Variants in SV2C observed in about 807,000 individuals in gnomAD.
The protein encoded by SV2C is synaptic vesicle glycoprotein 2C, also known as solute carrier family 22 member B3.
SV2C carries 49 observed loss-of-function variants against 79.7 expected under a neutral mutation model. That is an observed-to-expected ratio of 0.61 (90% confidence interval 0.49 to 0.78). The LOEUF (loss-of-function observed/expected upper bound fraction) is 0.78, where lower values mean the gene tolerates loss of function less well. SV2C is among the 30% of genes least tolerant of loss of function. The probability of loss-of-function intolerance (pLI) is 0.00; values close to 1 mark genes in which losing one functional copy is unlikely to be tolerated. For synonymous variants in SV2C, 334 were observed against 333.2 expected, an observed-to-expected ratio of 1.00 and a Z score of -0.03; for missense variants, 833 against 912.9, an observed-to-expected ratio of 0.91 and a Z score of 1.13.
the SV2C span, among the ~76,000 whole-genome samples, chr5:75,899,301 T>C: frequency 0.017 from 2,627 of 152,334 alleles, 59 homozygotes; most frequent in African/African-American, 0.057. Flanking sequence ...AGAACATCTT[T>C]ATTTCTGCCT....
At chr5:75,947,728 C>T in the SV2C span, among the ~76,000 whole-genome samples, 3 of 152,012 alleles carry the variant, frequency 2.0e-5, no homozygotes, top group African/African-American at 7.2e-5. Flanking sequence ...AACATCATGT[C>T]TCAAATATAA....
intron 3 of SV2C, among the ~76,000 whole-genome samples, chr5:76,199,173 A>G (rs1026467031): frequency 6.6e-6 from 1 of 152,196 alleles, no homozygotes; most frequent in African/African-American, 2.4e-5. Flanking sequence ...CTTTATTAAA[A>G]CTTAAGCCAG....
the SV2C span, among the ~76,000 whole-genome samples, chr5:75,893,263 A>G: frequency 2.6e-5 from 4 of 151,982 alleles, no homozygotes; most frequent in East Asian, 1.9e-4. Context: ...CCACTTTTCA[A>G]TGGCATTATT....
At chr5:75,972,749 C>A in the SV2C span, among the ~76,000 whole-genome samples, 682 of 152,190 alleles carry the variant, frequency 4.5e-3, 13 homozygotes, top group African/African-American at 0.015. Flanking sequence ...CTAGTTCAAC[C>A]ATTGTGGAAG....
At chr5:75,970,436 TAAAGAAGA>T in the SV2C span, among the ~76,000 whole-genome samples, 1 of 151,356 alleles carries the variant, frequency 6.6e-6, no homozygotes, top group Non-Finnish European at 1.5e-5. Flanking sequence ...GCAAGACTAA[TAAAGAAGA>T]AAAGAGAGAA....
At chr5:76,337,540 C>T (rs1749352338), downstream of SV2C, among the ~76,000 whole-genome samples, 1 of 152,074 alleles carries the variant, frequency 6.6e-6, no homozygotes, top group Admixed American at 6.6e-5. Context: ...ATACTGTATA[C>T]TGTGTATAGA....
At chr5:75,895,658 A>G in the SV2C span, among the ~76,000 whole-genome samples, 8 of 152,064 alleles carry the variant, frequency 5.3e-5, no homozygotes, top group African/African-American at 1.9e-4. Flanking sequence ...CAAGCAATTC[A>G]TGGGCCTGGG....
the SV2C span, among the ~76,000 whole-genome samples, chr5:75,923,718 C>T: frequency 1.3e-5 from 2 of 152,092 alleles, no homozygotes; most frequent in Admixed American, 6.6e-5. Context: ...GAAATACCAC[C>T]TTACTCCTGC....
the SV2C span, among the ~76,000 whole-genome samples, chr5:75,949,786 C>G: frequency 2.0e-5 from 3 of 151,946 alleles, no homozygotes; most frequent in African/African-American, 4.8e-5. Flanking sequence ...TACCCAGTCT[C>G]GGATATGTCT....
the SV2C span, among the ~76,000 whole-genome samples, chr5:75,888,619 A>G: frequency 6.6e-6 from 1 of 151,876 alleles, no homozygotes; most frequent in African/African-American, 2.4e-5. Context: ...AATAAATATC[A>G]CTTCTTCAGA....
the SV2C span, among the ~76,000 whole-genome samples, chr5:76,012,747 C>G: frequency 6.6e-6 from 1 of 152,060 alleles, no homozygotes. Context: ...GTTCTTACAT[C>G]TAAGTCTTTA....
chr5:76,187,746 A>G (rs1467771408), intron 2 of SV2C, among the ~76,000 whole-genome samples: 1 of 65,724 alleles, frequency 1.5e-5, no homozygotes, highest in African/African-American at 7.9e-5. Context: ...ATAGTTTCAA[A>G]TTGCAAAAAA....
Position 76,131,750 on chromosome 5 carries a change from G to C in SV2C, c.-1G>C, listed in dbSNP as rs774775520. The stretch of plus-strand genomic sequence containing the variant: ...TCTCATTGGCCATCAGTTGAGATAA[G>C]ATGGAAGACTCTTACAAGGATAGGA... On this transcript the variant is annotated 5_prime_UTR_variant, in exon 2 of 13. Coordinates refer to ENST00000502798, the MANE Select transcript of SV2C (RefSeq NM_014979.4). 1 of 1,595,622 alleles carries C rather than the reference G, an allele frequency of 6.3e-7. No individual in the cohort carries two copies. The highest frequency in any genetic ancestry group is 1.1e-5 in the South Asian group (1 of 88,764).
At chr5:76,281,746 C>A (rs1421843858) in intron 4 of SV2C, among the ~76,000 whole-genome samples, 1 of 152,192 alleles carries the variant, frequency 6.6e-6, no homozygotes, top group African/African-American at 2.4e-5. Flanking sequence ...AGTAGCACAG[C>A]ATCTTCAAGT....
chr5:76,165,151 ATTTT>A (rs544017072), intron 2 of SV2C, among the ~76,000 whole-genome samples: 5 of 152,050 alleles, frequency 3.3e-5, no homozygotes, highest in Non-Finnish European at 7.4e-5. Flanking sequence ...TGTGTGTGTG[ATTTT>A]TTTAACAGTT....
In SV2C at chr5:76,204,434, G is replaced by T. The variant is rs11949776; in HGVS notation, c.762-5302G>T. 2.3e-3 allele frequency among the ~76,000 whole-genome samples: 347 copies of T among 152,248 alleles called. 3 individuals carry two copies. The highest frequency in any genetic ancestry group is 6.4e-3 in the African/African-American group (266 of 41,556). ...TCTGTTTATTATTTGTATTGAACAT[G>T]TGACTTTACAATGATTATTCAACTT... On this transcript the variant is annotated intron_variant, in intron 3 of 12. Coordinates refer to ENST00000502798, the MANE Select transcript of SV2C (RefSeq NM_014979.4).
the SV2C span, among the ~76,000 whole-genome samples, chr5:75,975,089 C>G: frequency 6.6e-6 from 1 of 152,108 alleles, no homozygotes; most frequent in Non-Finnish European, 1.5e-5. Context: ...AAGGGTCATT[C>G]CACTAGAAAG....
In SV2C at chr5:76,083,491, AGG is replaced by A. The variant is rs1747062868; in HGVS notation, c.-121_-120del. On this transcript the variant is annotated 5_prime_UTR_variant, in exon 1 of 13. Coordinates refer to ENST00000502798, the MANE Select transcript of SV2C (RefSeq NM_014979.4). ...TGCAGTGCTGACACCACTCAGGGCAAGGGTGTCCGACGGCTGGAGCGGTGAGT... is the reference window on the plus strand; with the variant it reads ...TGCAGTGCTGACACCACTCAGGGCAAGTGTCCGACGGCTGGAGCGGTGAGT... 1 of 152,310 alleles carries A rather than the reference AGG, an allele frequency of 6.6e-6. No individual in the cohort carries two copies. The highest frequency in any genetic ancestry group is 2.4e-5 in the African/African-American group (1 of 41,462). The allele number at this position is 152,310 out of a possible 1,614,324, so 9.4% of individuals were successfully genotyped here.
rs1746618659 is a variant in SV2C, at chr5:76,265,344, G to T, written c.914-19818G>T. ...TCCCAGGTGGACTTCAGACAGCTGT[G>T]CTGGCAGTGAGAATTTCAAGCCAGT... On this transcript the variant is annotated intron_variant, in intron 4 of 12. Coordinates refer to ENST00000502798, the MANE Select transcript of SV2C (RefSeq NM_014979.4). 2.0e-5 allele frequency among the ~76,000 whole-genome samples: 3 copies of T among 152,258 alleles called. No homozygotes were observed. In the South Asian group the frequency reaches 6.2e-4, roughly 32 times the overall value.
Sources: gnomAD v4.1 joint callset for allele counts (sites outside exome capture counted in the v4.1 genomes callset) on GRCh38, gnomAD v4.1.1 for gene constraint, MANE v1.5 for transcripts, NCBI Gene and HGNC (gene_info 2026-07-23, HGNC 2026-07-21) for gene names.